Variants in AGFG1 observed in about 807,000 individuals in gnomAD.
AGFG1 encodes ArfGAP with FG repeats 1, also known as arf-GAP domain and FG repeat-containing protein 1.
Under a neutral mutation model 60.6 loss-of-function variants are expected in AGFG1, and 10 were observed. That is an observed-to-expected ratio of 0.16 (90% CI 0.10 to 0.28). The LOEUF (loss-of-function observed/expected upper bound fraction) is 0.28, where lower values mean the gene tolerates loss of function less well. Ranked by LOEUF, AGFG1 falls within the 10% of genes least tolerant of loss-of-function variation. AGFG1 has a pLI of 1.00. For synonymous variants in AGFG1, 247 were observed against 242.9 expected, an observed-to-expected ratio of 1.02 and a Z score of -0.16; for missense variants, 537 against 676.5, an observed-to-expected ratio of 0.79 and a Z score of 2.29.
Position 227,523,714 on chromosome 2 carries a change from T to C in AGFG1, c.378-49T>C, listed in dbSNP as rs1220811567. On this transcript the variant is annotated intron_variant, in intron 3 of 12. Coordinates refer to ENST00000310078, the MANE Select transcript of AGFG1 (RefSeq NM_004504.5). ...GAATTAAGCTTATCATTTTTTGATA[T>C]AGAATTACCTACATTTTTTTTTAGT... 4.5e-6 allele frequency: 7 copies of C among 1,549,432 alleles called. No individual in the cohort carries two copies. In the Admixed American group the frequency reaches 5.4e-5, roughly 12 times the overall value.
chr2:227,500,694 C>A (rs1691127037), intron 2 of AGFG1, among the ~76,000 whole-genome samples: 1 of 152,118 alleles, frequency 6.6e-6, no homozygotes, highest in African/African-American at 2.4e-5. Context: ...TTCATCAGTC[C>A]ATCTGATATT....
intron 1 of AGFG1, among the ~76,000 whole-genome samples, chr2:227,483,232 C>T (rs1447233606): frequency 1.3e-5 from 2 of 152,162 alleles, no homozygotes; most frequent in Non-Finnish European, 2.9e-5. Flanking sequence ...TTTTGATTCA[C>T]TGCAGGATTT....
At chr2:227,503,196 A>G (rs1006735027) in intron 2 of AGFG1, among the ~76,000 whole-genome samples, 4 of 151,542 alleles carry the variant, frequency 2.6e-5, no homozygotes, top group Admixed American at 2.6e-4. Flanking sequence ...TGATTGCACC[A>G]CTGCATTCTA....
chr2:227,546,289 G>A lies in AGFG1; in HGVS notation c.1379-5670G>A, dbSNP rs534326243. Among the ~76,000 whole-genome samples, 5 of 152,372 alleles carry A rather than the reference G, an allele frequency of 3.3e-5. No individual in the cohort carries two copies. In the East Asian group the frequency reaches 9.6e-4, roughly 29 times the overall value. On this transcript the variant is annotated intron_variant, in intron 10 of 12. Coordinates refer to ENST00000310078, the MANE Select transcript of AGFG1 (RefSeq NM_004504.5). ...GCTCCATGGGTGTGGGACCTGCTGA[G>A]CCAGGCGCGGGATATAATCTTCTGG...
chr2:227,529,612 G>A (rs1469412149), intron 5 of AGFG1, among the ~76,000 whole-genome samples: 2 of 152,076 alleles, frequency 1.3e-5, no homozygotes, highest in Non-Finnish European at 2.9e-5. Flanking sequence ...TCTACAGAAA[G>A]ACGCATGAAG....
intron 1 of AGFG1, among the ~76,000 whole-genome samples, chr2:227,486,891 T>G (rs1690656619): frequency 6.6e-6 from 1 of 152,176 alleles, no homozygotes; most frequent in African/African-American, 2.4e-5. Context: ...CTACTGACAT[T>G]TAGTGAGTAG....
chr2:227,497,730 G>GTTTTTTTTTTTTTTTTTTTTTT (rs148621752), intron 2 of AGFG1, among the ~76,000 whole-genome samples: 4 of 38,940 alleles, frequency 1.0e-4, no homozygotes, highest in African/African-American at 2.3e-4. Context: ...TTTCTTTCTT[G>GTTTTTTTTTTTTTTTTTTTTTT]TTTTGTTTTT....
At chr2:227,510,375 G>C (rs1379617657) in intron 2 of AGFG1, among the ~76,000 whole-genome samples, 1 of 152,122 alleles carries the variant, frequency 6.6e-6, no homozygotes, top group African/African-American at 2.4e-5. Context: ...GGTTCACAGA[G>C]GCTGTATTCA....
intron 10 of AGFG1, among the ~76,000 whole-genome samples, chr2:227,537,198 C>G (rs1692339797): frequency 6.6e-6 from 1 of 152,172 alleles, no homozygotes; most frequent in African/African-American, 2.4e-5. Context: ...TAGAAATTAT[C>G]TAGTGTCTGC....
intron 12 of AGFG1, among the ~76,000 whole-genome samples, chr2:227,554,207 T>C (rs1692903010): frequency 6.6e-6 from 1 of 152,210 alleles, no homozygotes; most frequent in Non-Finnish European, 1.5e-5. Flanking sequence ...TCTTAGAATC[T>C]ATTACAAGAA....
intron 1 of AGFG1, among the ~76,000 whole-genome samples, chr2:227,482,032 A>C (rs979008362): frequency 2.0e-5 from 3 of 151,592 alleles, no homozygotes; most frequent in Non-Finnish European, 4.4e-5. Context: ...TGCCCCGCTA[A>C]TTTTTTGTAT....
At chr2:227,530,823 G>A (rs987706880) in intron 5 of AGFG1, among the ~76,000 whole-genome samples, 5 of 152,042 alleles carry the variant, frequency 3.3e-5, no homozygotes, top group Non-Finnish European at 2.9e-5. Context: ...CACTTTTATA[G>A]TACTGTGCTT....
In AGFG1 at chr2:227,517,453, G is replaced by A. The variant is rs149070927; in HGVS notation, c.262-2495G>A. On this transcript the variant is annotated intron_variant, in intron 2 of 12. Coordinates refer to ENST00000310078, the MANE Select transcript of AGFG1 (RefSeq NM_004504.5). ...GCTATTTGTTTTTTCTGTATTTTTA[G>A]TAGAGGTGGGGTTTCACCATGTTGG... Among the ~76,000 whole-genome samples, 10 of 152,268 alleles carry A rather than the reference G, an allele frequency of 6.6e-5. No homozygotes were observed. In the East Asian group the frequency reaches 1.9e-3, roughly 29 times the overall value.
At chr2:227,486,931 G>A (rs947396002) in intron 1 of AGFG1, among the ~76,000 whole-genome samples, 2 of 152,110 alleles carry the variant, frequency 1.3e-5, no homozygotes, top group Non-Finnish European at 2.9e-5. Context: ...GCTCAACATC[G>A]TACAATGCAT....
At chr2:227,510,255 C>T (rs1056928960) in intron 2 of AGFG1, among the ~76,000 whole-genome samples, 4 of 152,116 alleles carry the variant, frequency 2.6e-5, no homozygotes, top group Admixed American at 6.5e-5. Context: ...CACATACACA[C>T]ACACACATGC....
Position 227,535,132 on chromosome 2 carries a change from G to A in AGFG1, c.1205+107G>A. On this transcript the variant is annotated intron_variant, in intron 8 of 12. Transcript: ENST00000310078. ...TTCAAGGTATAATTTTAAAATTCTT[G>A]GATATTTTTGTAAATTTGAGGAATT... 5.0e-6 allele frequency: 6 copies of A among 1,206,174 alleles called. No homozygotes were observed. In the South Asian group the frequency reaches 6.4e-5, roughly 13 times the overall value. The allele number at this position is 1,206,174 out of a possible 1,614,324, so 74.7% of individuals were successfully genotyped here.
At chr2:227,513,579 T>C (rs1430666373) in intron 2 of AGFG1, among the ~76,000 whole-genome samples, 1 of 152,232 alleles carries the variant, frequency 6.6e-6, no homozygotes, top group African/African-American at 2.4e-5. Flanking sequence ...TGCCCTGCTG[T>C]TACTAACCCT....
chr2:227,493,185 T>C (rs774436132), intron 2 of AGFG1, among the ~76,000 whole-genome samples: 1 of 152,134 alleles, frequency 6.6e-6, no homozygotes, highest in Non-Finnish European at 1.5e-5. Context: ...GGAACATTGA[T>C]CTACCCTCTT....
intron 2 of AGFG1, among the ~76,000 whole-genome samples, chr2:227,505,188 A>G (rs1181147344): frequency 7.3e-6 from 1 of 136,602 alleles, no homozygotes; most frequent in African/African-American, 2.6e-5. Flanking sequence ...CTTTTTTGAA[A>G]TTTACTTTAT....
Sources: gnomAD v4.1 joint callset for allele counts (sites outside exome capture counted in the v4.1 genomes callset) on GRCh38, gnomAD v4.1.1 for gene constraint, MANE v1.5 for transcripts, NCBI Gene and HGNC (gene_info 2026-07-23, HGNC 2026-07-21) for gene names.